CYP7B1: variants seen among roughly 807,000 people sequenced by gnomAD.
CYP7B1 encodes the protein cytochrome P450 family 7 subfamily B member 1.
In CYP7B1, 29 loss-of-function variants were observed where a neutral mutation model predicts 42.7. That is an observed-to-expected ratio of 0.68 (90% CI 0.51 to 0.93). The LOEUF is 0.93. Ranked by LOEUF, CYP7B1 falls within the 40% of genes least tolerant of loss-of-function variation. The pLI is 0.00. For synonymous variants in CYP7B1, 235 were observed against 218.2 expected (o/e 1.08, Z -0.68); for missense variants, 655 against 600.5 (o/e 1.09, Z -0.95).
At chr8:64,649,277 G>A (rs1806001396) in intron 1 of CYP7B1, among the ~76,000 whole-genome samples, 1 of 152,074 alleles carries the variant, frequency 6.6e-6, no homozygotes, top group South Asian at 2.1e-4. Context: ...ACTGACTACT[G>A]TAGATACATC....
intron 1 of CYP7B1, among the ~76,000 whole-genome samples, chr8:64,697,655 G>A (rs1421119098): frequency 1.3e-5 from 2 of 152,172 alleles, no homozygotes; most frequent in African/African-American, 4.8e-5. Context: ...TGCTGCCAGG[G>A]AGAACAGGCT....
In CYP7B1 at chr8:64,604,671, T is replaced by C; in HGVS notation, c.1233+11A>G. On this transcript the variant is annotated intron_variant, in intron 5 of 5. Coordinates refer to ENST00000310193, the MANE Select transcript of CYP7B1 (RefSeq NM_004820.5). The stretch of plus-strand genomic sequence containing the variant: ...TAAGAAGTAGCAATCATAGGCTTGA[T>C]GTTTACTTACCTCTGGAGCTTCAAA... The C allele has an allele frequency of 6.2e-7, 1 of 1,614,004 alleles. No homozygotes were observed. The highest frequency in any genetic ancestry group is 8.5e-7 in the Non-Finnish European group (1 of 1,179,998).
At chr8:64,716,549 A>C (rs1174821556) in intron 1 of CYP7B1, among the ~76,000 whole-genome samples, 1 of 151,958 alleles carries the variant, frequency 6.6e-6, no homozygotes, top group Non-Finnish European at 1.5e-5. Flanking sequence ...TCTACTAAAA[A>C]TACAAAAATT....
chr8:64,640,357 C>A (rs1189002201), intron 1 of CYP7B1, among the ~76,000 whole-genome samples: 2 of 151,976 alleles, frequency 1.3e-5, no homozygotes, highest in African/African-American at 4.8e-5. Context: ...AGTTATCAGA[C>A]AAGTTTCTGA....
chr8:64,709,971 A>G (rs545105536), intron 1 of CYP7B1, among the ~76,000 whole-genome samples: 1 of 152,122 alleles, frequency 6.6e-6, no homozygotes, highest in East Asian at 1.9e-4. Flanking sequence ...CTGCCACAGT[A>G]TTTGGTTGAC....
intron 1 of CYP7B1, among the ~76,000 whole-genome samples, chr8:64,721,902 C>T (rs1807242374): frequency 6.6e-6 from 1 of 151,554 alleles, no homozygotes; most frequent in Non-Finnish European, 1.5e-5. Context: ...TGTATTATTC[C>T]ACCAAGAATG....
chr8:64,695,042 A>C (rs1806803436), intron 1 of CYP7B1, among the ~76,000 whole-genome samples: 1 of 152,118 alleles, frequency 6.6e-6, no homozygotes, highest in Non-Finnish European at 1.5e-5. Context: ...GGTCCTGTTG[A>C]AAATCTGAAA....
intron 2 of CYP7B1, among the ~76,000 whole-genome samples, 153 bp downstream of exon 2, chr8:64,624,250 A>G (rs1223111917): frequency 6.6e-6 from 1 of 152,166 alleles, no homozygotes; most frequent in African/African-American, 2.4e-5. Flanking sequence ...GGATCACTGA[A>G]CTAAAAATAA....
chr8:64,616,923 C>G (rs1168937086), intron 2 of CYP7B1, among the ~76,000 whole-genome samples: 2 of 152,166 alleles, frequency 1.3e-5, no homozygotes, highest in East Asian at 3.8e-4. Flanking sequence ...TAGAACACAT[C>G]CATTCATCCA....
In CYP7B1 at chr8:64,599,514, A is replaced by C. The variant is rs113434040; in HGVS notation, c.1234-2585T>G. On this transcript the variant is annotated intron_variant, in intron 5 of 5. Coordinates refer to ENST00000310193, the MANE Select transcript of CYP7B1 (RefSeq NM_004820.5). ...CTGATTGAAATTCTTTACAGTGACC[A>C]TAATAAGCATGTTGCTTCACAATTA... Among the ~76,000 whole-genome samples the C allele has an allele frequency of 3.2e-3, 488 of 152,268 alleles. 8 individuals are homozygous for C. The highest frequency in any genetic ancestry group is 0.011 in the African/African-American group (476 of 41,552).
intron 1 of CYP7B1, among the ~76,000 whole-genome samples, chr8:64,638,101 C>T (rs1019497254): frequency 6.6e-6 from 1 of 152,040 alleles, no homozygotes; most frequent in Non-Finnish European, 1.5e-5. Flanking sequence ...TCTTATTTTT[C>T]TAAGACTATT....
chr8:64,605,819 G>A (rs955889555), intron 4 of CYP7B1, among the ~76,000 whole-genome samples: 1 of 151,896 alleles, frequency 6.6e-6, no homozygotes, highest in Non-Finnish European at 1.5e-5. Flanking sequence ...GATAACAAAT[G>A]GTCGTGTTTA....
intron 1 of CYP7B1, among the ~76,000 whole-genome samples, chr8:64,770,028 T>A (rs770888036): frequency 6.6e-6 from 1 of 152,126 alleles, no homozygotes; most frequent in Non-Finnish European, 1.5e-5. Context: ...CAATTACATT[T>A]GTGTGTGTGT....
At chr8:64,606,307 A>G (rs1805280659) in intron 4 of CYP7B1, among the ~76,000 whole-genome samples, 1 of 152,230 alleles carries the variant, frequency 6.6e-6, no homozygotes, top group Admixed American at 6.5e-5. Flanking sequence ...CAGCTGGCAG[A>G]ACACCAAGGA....
intron 1 of CYP7B1, among the ~76,000 whole-genome samples, chr8:64,717,061 TA>T (rs1468510787): frequency 3.3e-5 from 5 of 152,222 alleles, no homozygotes; most frequent in East Asian, 1.9e-4. Flanking sequence ...TTCATCAAAA[TA>T]AAATGTCTCT....
At chr8:64,661,709 T>C (rs1563381069) in intron 1 of CYP7B1, among the ~76,000 whole-genome samples, 4 of 152,216 alleles carry the variant, frequency 2.6e-5, no homozygotes, top group South Asian at 4.1e-4. Context: ...TGGTCTCTAA[T>C]ACTTGTTCCA....
At chr8:64,718,613 C>A (rs1807191997) in intron 1 of CYP7B1, among the ~76,000 whole-genome samples, 1 of 152,210 alleles carries the variant, frequency 6.6e-6, no homozygotes, top group African/African-American at 2.4e-5. Flanking sequence ...CCCCCAAAAG[C>A]CAAACATGCA....
Position 64,719,433 on chromosome 8 carries a change from T to A in CYP7B1, c.122+79033A>T, listed in dbSNP as rs556593047. 3.2e-4 allele frequency among the ~76,000 whole-genome samples: 48 copies of A among 152,270 alleles called. No individual in the cohort carries two copies. The South Asian group carries it at 1.0e-2, about 32-fold the overall frequency. ...TGACTTCTGAAAAGAAGTCTAAAAT[T>A]TTAAAAGCGAAACTGAGTTTATCAG... On this transcript the variant is annotated intron_variant, in intron 1 of 5. Transcript: ENST00000310193.
At chr8:64,718,500 C>T (rs1334246221) in intron 1 of CYP7B1, among the ~76,000 whole-genome samples, 1 of 152,240 alleles carries the variant, frequency 6.6e-6, no homozygotes, top group Admixed American at 6.5e-5. Context: ...CCTAGCCCCT[C>T]CATCTTTGTG....
Sources: gnomAD v4.1 joint callset for allele counts (sites outside exome capture counted in the v4.1 genomes callset) on GRCh38, gnomAD v4.1.1 for gene constraint, MANE v1.5 for transcripts, NCBI Gene and HGNC (gene_info 2026-07-23, HGNC 2026-07-21) for gene names.